SAMMSON: variants seen among roughly 807,000 people sequenced by gnomAD.
The protein encoded by SAMMSON is long intergenic non-protein coding RNA 1212.
At chr3:70,078,092 G>A (rs1288595902) in intron 4 of SAMMSON, among the ~76,000 whole-genome samples, 1 of 151,910 alleles carries the variant, frequency 6.6e-6, no homozygotes, top group Admixed American at 6.6e-5. Flanking sequence ...ACATGTGTGT[G>A]GGGGGAAGAT....
At chr3:70,321,512 A>G (rs1206973132) in intron 7 of SAMMSON, among the ~76,000 whole-genome samples, 1 of 152,074 alleles carries the variant, frequency 6.6e-6, no homozygotes, top group Admixed American at 6.6e-5. Context: ...GTGGTTTCCA[A>G]TTGCGACCAT....
intron 4 of SAMMSON, among the ~76,000 whole-genome samples, chr3:70,145,245 C>A (rs2067543676): frequency 6.6e-6 from 1 of 152,088 alleles, no homozygotes; most frequent in Non-Finnish European, 1.5e-5. Context: ...ACAGACAAGT[C>A]CACAATTGTA....
At chr3:70,265,527 C>T (rs1181773059) in intron 6 of SAMMSON, among the ~76,000 whole-genome samples, 2 of 151,904 alleles carry the variant, frequency 1.3e-5, no homozygotes, top group Non-Finnish European at 2.9e-5. Flanking sequence ...AGTTCATGAG[C>T]GAACCTTCCC....
chr3:70,093,940 AC>A (rs2067314156), intron 4 of SAMMSON, among the ~76,000 whole-genome samples: 2 of 152,096 alleles, frequency 1.3e-5, no homozygotes, highest in African/African-American at 4.8e-5. Context: ...ACGTTTTGCA[AC>A]CCCTAACCTT....
chr3:70,087,739 C>G (rs1002581138), intron 4 of SAMMSON, among the ~76,000 whole-genome samples: 9 of 152,090 alleles, frequency 5.9e-5, no homozygotes, highest in Admixed American at 1.3e-4. Context: ...CAAGAATGAT[C>G]AGAAGAGAAT....
chr3:70,331,567 T>C (rs1423189082), intron 7 of SAMMSON, among the ~76,000 whole-genome samples: 2 of 152,198 alleles, frequency 1.3e-5, no homozygotes, highest in Non-Finnish European at 2.9e-5. Flanking sequence ...GAACTATTGA[T>C]GAAAATAAAA....
intron 7 of SAMMSON, among the ~76,000 whole-genome samples, chr3:70,330,303 C>T (rs2106722080): frequency 6.6e-6 from 1 of 151,950 alleles, no homozygotes; most frequent in Non-Finnish European, 1.5e-5. Context: ...CTTCAAAACC[C>T]ACATATCTTT....
chr3:70,246,799 GA>G (rs1369448319), intron 4 of SAMMSON, among the ~76,000 whole-genome samples: 3 of 151,698 alleles, frequency 2.0e-5, no homozygotes, highest in Non-Finnish European at 4.4e-5. Flanking sequence ...TTTTTAGAGG[GA>G]AAAAAACCCA....
chr3:70,153,162 G>T (rs1410908952), intron 4 of SAMMSON, among the ~76,000 whole-genome samples: 1 of 151,892 alleles, frequency 6.6e-6, no homozygotes, highest in Non-Finnish European at 1.5e-5. Context: ...GTCAATATAA[G>T]AGCCCTTGGG....
intron 9 of SAMMSON, among the ~76,000 whole-genome samples, chr3:70,363,561 CA>C (rs1702893950): frequency 6.6e-6 from 1 of 151,970 alleles, no homozygotes; most frequent in South Asian, 2.1e-4. Flanking sequence ...GAGGTAATCC[CA>C]TTTACAATAA....
chr3:70,274,088 TGTGCGCGC>T (rs1701999316), intron 6 of SAMMSON, among the ~76,000 whole-genome samples: 1 of 146,302 alleles, frequency 6.8e-6, no homozygotes, highest in South Asian at 2.2e-4. Flanking sequence ...TGTGTGTGTG[TGTGCGCGC>T]GCGCATGTGT....
chr3:70,373,868 G>C (rs1464227676), intron 9 of SAMMSON, among the ~76,000 whole-genome samples: 1 of 151,856 alleles, frequency 6.6e-6, no homozygotes, highest in African/African-American at 2.4e-5. Flanking sequence ...ATTGTTTTAA[G>C]TATGTACATA....
intron 2 of SAMMSON, among the ~76,000 whole-genome samples, chr3:70,418,979 T>TCTC (rs756818789): frequency 1.5e-5 from 1 of 67,304 alleles, no homozygotes; most frequent in African/African-American, 5.9e-5. Context: ...CCTTCCTTCC[T>TCTC]TCTCTCTCTC....
chr3:70,274,375 T>C (rs1702002175), intron 6 of SAMMSON, among the ~76,000 whole-genome samples: 1 of 151,090 alleles, frequency 6.6e-6, no homozygotes, highest in Non-Finnish European at 1.5e-5. Context: ...TCTTGAAATA[T>C]AGAATGAGTA....
At chr3:70,155,423 T>A (rs1488995362) in intron 4 of SAMMSON, among the ~76,000 whole-genome samples, 1 of 152,064 alleles carries the variant, frequency 6.6e-6, no homozygotes. Context: ...TCACTGGTGA[T>A]CCATCTTTTG....
At chr3:70,009,216 A>G (rs1450438938) in intron 1 of SAMMSON, 5 of 152,270 alleles carry the variant, frequency 3.3e-5, no homozygotes, top group Admixed American at 2.6e-4. Flanking sequence ...AAGGAATGGT[A>G]CCAGCTCCTC....
rs549742228 is a variant in SAMMSON, at chr3:70,292,660, T to C, written n.739+1417T>C. Among the ~76,000 whole-genome samples the C allele has an allele frequency of 3.3e-5, 5 of 152,276 alleles. No individual in the cohort carries two copies. The South Asian group carries it at 1.0e-3, about 32-fold the overall frequency. ...ACTATTTAAACTCCCTAATGATTGA[T>C]GAAAACAATTCATTTCCAAATGTTT... On this transcript the variant is annotated intron_variant and non_coding_transcript_variant, in intron 7 of 9. Transcript: ENST00000642114.
chr3:70,411,317 A>G (rs1397260013), intron 2 of SAMMSON, among the ~76,000 whole-genome samples: 2 of 152,212 alleles, frequency 1.3e-5, no homozygotes, highest in Non-Finnish European at 2.9e-5. Context: ...GATTTTAAAT[A>G]AGTGAAGTAG....
At chr3:70,331,913 A>G (rs1702624341) in intron 7 of SAMMSON, among the ~76,000 whole-genome samples, 1 of 152,236 alleles carries the variant, frequency 6.6e-6, no homozygotes, top group African/African-American at 2.4e-5. Flanking sequence ...GGGAAACCTC[A>G]TGAGATTTGG....
Sources: gnomAD v4.1 joint callset for allele counts (sites outside exome capture counted in the v4.1 genomes callset) on GRCh38, gnomAD v4.1.1 for gene constraint, MANE v1.5 for transcripts, NCBI Gene and HGNC (gene_info 2026-07-23, HGNC 2026-07-21) for gene names.